ERC2: variants seen among roughly 807,000 people sequenced by gnomAD.
ERC2 encodes the protein ERC protein 2.
Under a neutral mutation model 114.8 loss-of-function variants are expected in ERC2, and 42 were observed. That is an observed-to-expected ratio of 0.37 (90% CI 0.29 to 0.47). ERC2 has a LOEUF of 0.47. Ranked by LOEUF, ERC2 falls within the 20% of genes least tolerant of loss-of-function variation. The pLI is 0.99. For missense variants in ERC2, 939 were observed against 1,150.7 expected, an observed-to-expected ratio of 0.82 and a Z score of 2.66; for synonymous variants, 454 against 425.5, an observed-to-expected ratio of 1.07 and a Z score of -0.82.
intron 2 of ERC2, among the ~76,000 whole-genome samples, chr3:56,344,750 T>C (rs2058240511): frequency 6.6e-6 from 1 of 152,210 alleles, no homozygotes; most frequent in Non-Finnish European, 1.5e-5. Context: ...TGGTGGATCA[T>C]TCACCGAACA....
At chr3:55,950,400 A>G in intron 13 of ERC2, 25 bp downstream of exon 13, 2 of 1,612,382 alleles carry the variant, frequency 1.2e-6, no homozygotes, top group East Asian at 4.5e-5. Flanking sequence ...TTATTTAGCG[A>G]TTAAGAAGAG....
At position 56,434,746 on chromosome 3, in the gene ERC2, G is replaced by T. The variant is rs761627989; in HGVS notation, c.262C>A (p.Arg88=). ...GTGACACGGCCTCCATATACAGCTCGATTTGTAGCCCTTCCCAGAGTCATA... is the reference window on the plus strand; with the variant it reads ...GTGACACGGCCTCCATATACAGCTCTATTTGTAGCCCTTCCCAGAGTCATA... ...GTMTLGRATN[R]AVYGGRVTAM... Residue 88 remains arginine (R), a synonymous_variant, in exon 2 of 18, where the codon CGA becomes AGA. Transcript: ENST00000288221. 1.2e-6 allele frequency: 2 copies of T among 1,613,972 alleles called. No individual in the cohort carries two copies. The highest frequency in any genetic ancestry group is 1.7e-5 in the Admixed American group (1 of 60,022).
chr3:55,532,600 A>G (rs1487247730), intron 17 of ERC2, among the ~76,000 whole-genome samples: 1 of 152,166 alleles, frequency 6.6e-6, no homozygotes, highest in Non-Finnish European at 1.5e-5. Flanking sequence ...TTTTCAATAC[A>G]TACTCTTTTT....
chr3:55,890,441 T>C (rs2063548390), intron 13 of ERC2, among the ~76,000 whole-genome samples: 2 of 152,212 alleles, frequency 1.3e-5, no homozygotes, highest in Admixed American at 6.6e-5. Flanking sequence ...TCTCCATTAT[T>C]CTCATTTGTT....
intron 2 of ERC2, among the ~76,000 whole-genome samples, chr3:56,418,247 A>C (rs1459115821): frequency 6.7e-6 from 1 of 149,230 alleles, no homozygotes; most frequent in Non-Finnish European, 1.5e-5. Flanking sequence ...GCAGTAAGCT[A>C]TGATTGCCAC....
intron 9 of ERC2, among the ~76,000 whole-genome samples, chr3:56,009,562 G>A (rs566595657): frequency 5.5e-4 from 84 of 152,264 alleles, no homozygotes; most frequent in African/African-American, 1.9e-3. Context: ...CTGTGGTACC[G>A]TCCAGCAGGG....
intron 14 of ERC2, among the ~76,000 whole-genome samples, chr3:55,855,953 G>C (rs751411841): frequency 4.6e-5 from 7 of 152,138 alleles, no homozygotes; most frequent in Non-Finnish European, 7.3e-5. Flanking sequence ...CGACCTCCAG[G>C]CTGCAGCAGT....
At chr3:55,982,906 A>T (rs943465454) in intron 12 of ERC2, among the ~76,000 whole-genome samples, 2 of 152,254 alleles carry the variant, frequency 1.3e-5, no homozygotes, top group Non-Finnish European at 2.9e-5. Flanking sequence ...CTTTGGGGAA[A>T]CATCACAAAG....
At chr3:56,167,077 T>C (rs12635356) in intron 4 of ERC2, among the ~76,000 whole-genome samples, 124,068 of 152,040 alleles carry the variant, frequency 0.82, 51,898 homozygotes, top group South Asian at 0.93. Context: ...TTATAAACCA[T>C]ATTCCCCTTT....
intron 2 of ERC2, among the ~76,000 whole-genome samples, chr3:56,318,558 A>T (rs758311238): frequency 2.0e-5 from 3 of 152,056 alleles, no homozygotes; most frequent in Admixed American, 6.6e-5. Context: ...TAATATCAAA[A>T]ATATATATAA....
At chr3:55,959,467 C>T (rs947682786) in intron 12 of ERC2, among the ~76,000 whole-genome samples, 3 of 152,200 alleles carry the variant, frequency 2.0e-5, no homozygotes, top group African/African-American at 7.2e-5. Flanking sequence ...TCCTACCCCT[C>T]CTGATGGACT....
At chr3:55,735,979 A>T (rs1031866687) in intron 14 of ERC2, among the ~76,000 whole-genome samples, 1 of 152,184 alleles carries the variant, frequency 6.6e-6, no homozygotes, top group East Asian at 1.9e-4. Context: ...TTCTCTATCC[A>T]GAGCCAATCC....
At chr3:56,400,133 T>C (rs2060467103) in intron 2 of ERC2, among the ~76,000 whole-genome samples, 1 of 152,162 alleles carries the variant, frequency 6.6e-6, no homozygotes, top group Non-Finnish European at 1.5e-5. Flanking sequence ...GATAACAGTA[T>C]TATATTTAGA....
At chr3:55,740,543 T>C (rs1030419885) in intron 14 of ERC2, among the ~76,000 whole-genome samples, 1 of 152,128 alleles carries the variant, frequency 6.6e-6, no homozygotes, top group Non-Finnish European at 1.5e-5. Flanking sequence ...ATAATTCTAG[T>C]CCATTTAAAT....
intron 2 of ERC2, among the ~76,000 whole-genome samples, chr3:56,422,603 A>C (rs991890491): frequency 8.5e-5 from 13 of 152,098 alleles, no homozygotes; most frequent in African/African-American, 2.9e-4. Context: ...CATGCTGAAG[A>C]TGCTGTCAGG....
chr3:56,449,682 T>TCATCCTCA (rs2062744677), intron 1 of ERC2, among the ~76,000 whole-genome samples: 1 of 152,234 alleles, frequency 6.6e-6, no homozygotes, highest in Non-Finnish European at 1.5e-5. Context: ...TTTACTTCTC[T>TCATCCTCA]CATCCTCACT....
chr3:56,111,665 G>C (rs1451375999), intron 6 of ERC2, among the ~76,000 whole-genome samples: 3 of 152,120 alleles, frequency 2.0e-5, no homozygotes, highest in Non-Finnish European at 4.4e-5. Context: ...GAAGATGATG[G>C]TCTGAAATTC....
chr3:56,064,053 G>A (rs977704918), intron 7 of ERC2, among the ~76,000 whole-genome samples: 5 of 152,208 alleles, frequency 3.3e-5, no homozygotes, highest in East Asian at 1.9e-4. Context: ...GAACTATGCC[G>A]TGAACAAGCC....
chr3:55,572,569 G>A (rs2056773377), intron 17 of ERC2, among the ~76,000 whole-genome samples: 1 of 152,166 alleles, frequency 6.6e-6, no homozygotes, highest in Non-Finnish European at 1.5e-5. Flanking sequence ...GCTCCTACAT[G>A]GAGCACTTTG....
Sources: allele counts gnomAD v4.1 joint callset (sites outside exome capture counted in the v4.1 genomes callset), GRCh38; gene constraint gnomAD v4.1.1; transcripts MANE v1.5; gene names NCBI Gene and HGNC (gene_info 2026-07-23, HGNC 2026-07-21).